TANC2: variants seen among roughly 807,000 people sequenced by gnomAD.
The protein encoded by TANC2 is tetratricopeptide repeat, ankyrin repeat and coiled-coil containing 2.
Under a neutral mutation model 210.5 loss-of-function variants are expected in TANC2, and 26 were observed. The observed-to-expected ratio is 0.12, with a 90% CI of 0.09 to 0.17. The LOEUF is 0.17. Among genes scored for constraint, TANC2 ranks in the 10% least tolerant of loss-of-function variants. The pLI, the probability that TANC2 is intolerant of heterozygous loss-of-function variation, is 1.00. For missense variants in TANC2, 2,129 were observed against 2,608.9 expected (o/e 0.82, Z 4.01); for synonymous variants, 931 against 967.1 (o/e 0.96, Z 0.69).
chr17:63,165,811 T>C (rs957843761), intron 5 of TANC2, among the ~76,000 whole-genome samples: 1 of 152,218 alleles, frequency 6.6e-6, no homozygotes, highest in African/African-American at 2.4e-5. Flanking sequence ...GGGAATAATA[T>C]GGAAATATAA....
Position 62,966,350 on chromosome 17 carries a change from G to T in TANC2, c.-423G>T, listed in dbSNP as rs1397462663. Among the ~76,000 whole-genome samples, 1 of 146,954 alleles carries T rather than the reference G, an allele frequency of 6.8e-6. No individual in the cohort carries two copies. The highest frequency in any genetic ancestry group is 1.5e-5 in the Non-Finnish European group (1 of 66,028). ...CCGCCCGGCGGGGGAAGCTGCGAGC[G>T]CTCCGAGCGCCCGGCCTAGGGCCGC... On this transcript the variant is annotated 5_prime_UTR_variant, in exon 1 of 28. Transcript: ENST00000689528. The surrounding 1 kb of genome is among the most constrained non-coding windows in gnomAD (Gnocchi z 5.1).
intron 7 of TANC2, among the ~76,000 whole-genome samples, chr17:63,216,113 A>C (rs1276684289): frequency 1.3e-5 from 2 of 151,414 alleles, no homozygotes; most frequent in Non-Finnish European, 2.9e-5. Flanking sequence ...CAATGGTGCG[A>C]TCTCGGCTCA....
At position 63,321,607 on chromosome 17, in the gene TANC2, G is replaced by A. The variant is rs78723655; in HGVS notation, c.1575+2517G>A. On this transcript the variant is annotated intron_variant, in intron 11 of 27. Transcript: ENST00000689528. ...AAATTCTCTAGCAAAGAATCCTCCA[G>A]TCTTCTGACTGGAGAGTATATGTCT... Among the ~76,000 whole-genome samples, 1,269 of 152,258 alleles carry A rather than the reference G, an allele frequency of 8.3e-3. 15 individuals carry two copies. The highest frequency in any genetic ancestry group is 0.028 in the African/African-American group (1,160 of 41,540).
chr17:63,109,142 A>G (rs1309714903), intron 4 of TANC2, among the ~76,000 whole-genome samples: 2 of 151,708 alleles, frequency 1.3e-5, no homozygotes, highest in African/African-American at 4.9e-5. Flanking sequence ...AGAAAACAAG[A>G]AGTACTGAAA....
chr17:63,191,789 CTA>C (rs2041194789), intron 5 of TANC2, among the ~76,000 whole-genome samples: 2 of 152,082 alleles, frequency 1.3e-5, no homozygotes, highest in South Asian at 2.1e-4. Flanking sequence ...TCAGAAGTAA[CTA>C]TTTTTAATTT....
chr17:63,419,883 CA>C lies in TANC2; in HGVS notation c.4269-115del. ...TAAATCCAACTAAACCGAAATACCC[CA>C]GACTCCCACAGACGCCACCACAGCT... On this transcript the variant is annotated intron_variant, in intron 27 of 27. Transcript: ENST00000689528. 4.1e-6 allele frequency: 5 copies of C among 1,232,840 alleles called. No homozygotes were observed. The South Asian group carries it at 8.0e-5, about 20-fold the overall frequency. 76.4% of individuals were successfully genotyped at this position (1,232,840 alleles called of 1,614,324 possible).
chr17:63,277,411 A>T (rs75514394), intron 9 of TANC2, among the ~76,000 whole-genome samples: 1 of 151,588 alleles, frequency 6.6e-6, no homozygotes, highest in Non-Finnish European at 1.5e-5. Context: ...AAGACCCATC[A>T]GTTATCTTTT....
At chr17:63,395,530 G>A (rs995049454) in intron 17 of TANC2, among the ~76,000 whole-genome samples, 1 of 152,156 alleles carries the variant, frequency 6.6e-6, no homozygotes, top group African/African-American at 2.4e-5. Flanking sequence ...CTTTTCTGAG[G>A]AAAAGAAGTT....
intron 13 of TANC2, among the ~76,000 whole-genome samples, chr17:63,353,258 G>A (rs2046674009): frequency 6.6e-6 from 1 of 152,144 alleles, no homozygotes; most frequent in Admixed American, 6.6e-5. Context: ...AGGACTTGAT[G>A]ATGGGCTGAA....
chr17:62,999,984 A>G (rs1182469337), intron 1 of TANC2, among the ~76,000 whole-genome samples: 1 of 152,254 alleles, frequency 6.6e-6, no homozygotes, highest in Non-Finnish European at 1.5e-5. Flanking sequence ...TAATGCAGGA[A>G]CAGAAAACAA....
chr17:63,010,302 T>C (rs2033807718), intron 2 of TANC2, among the ~76,000 whole-genome samples: 1 of 152,162 alleles, frequency 6.6e-6, no homozygotes, highest in Non-Finnish European at 1.5e-5. Context: ...TGTGATTTCT[T>C]CTTGACCCAT....
At chr17:63,003,714 T>C (rs2033486728) in intron 1 of TANC2, among the ~76,000 whole-genome samples, 1 of 152,208 alleles carries the variant, frequency 6.6e-6, no homozygotes, top group Non-Finnish European at 1.5e-5. Context: ...GTGTTATATA[T>C]GTTTTGTGAA....
chr17:63,205,008 C>G (rs2041653894), intron 7 of TANC2, among the ~76,000 whole-genome samples: 1 of 152,052 alleles, frequency 6.6e-6, no homozygotes, highest in African/African-American at 2.4e-5. Context: ...TCACTTGAAC[C>G]TGGGAGGCAG....
chr17:63,176,149 A>G (rs1006688367), intron 5 of TANC2, among the ~76,000 whole-genome samples: 1 of 152,252 alleles, frequency 6.6e-6, no homozygotes, highest in African/African-American at 2.4e-5. Flanking sequence ...TTTCTTATGA[A>G]GCTAAAATTA....
chr17:63,384,814 A>G (rs1374122618), intron 15 of TANC2, among the ~76,000 whole-genome samples: 3 of 152,210 alleles, frequency 2.0e-5, no homozygotes, highest in Non-Finnish European at 1.5e-5. Flanking sequence ...GAAGAGGGCC[A>G]AGGATGGAAA....
At chr17:63,244,417 TA>T (rs1429537799) in intron 8 of TANC2, among the ~76,000 whole-genome samples, 3 of 152,224 alleles carry the variant, frequency 2.0e-5, no homozygotes, top group African/African-American at 7.2e-5. Context: ...CATTTTGTTT[TA>T]AATTTTCATT....
intron 20 of TANC2, 58 bp from the exon 21 acceptor site, chr17:63,406,096 G>A (rs1396199928): frequency 6.8e-5 from 109 of 1,603,266 alleles, no homozygotes; most frequent in Middle Eastern, 5.0e-4. Context: ...TAGTGTGCAC[G>A]TGTCTTCTCA....
intron 4 of TANC2, among the ~76,000 whole-genome samples, chr17:63,104,358 A>G (rs1428100228): frequency 1.3e-5 from 2 of 152,102 alleles, no homozygotes; most frequent in African/African-American, 2.4e-5. Flanking sequence ...TACGGAATTT[A>G]TATTATTTAC....
At chr17:63,024,186 G>A (rs1039327144) in intron 2 of TANC2, among the ~76,000 whole-genome samples, 3 of 152,066 alleles carry the variant, frequency 2.0e-5, no homozygotes, top group Non-Finnish European at 1.5e-5. Flanking sequence ...GAAATAATTC[G>A]GGGCTAGTCC....
Sources: gnomAD v4.1 joint callset for allele counts (sites outside exome capture counted in the v4.1 genomes callset) on GRCh38, gnomAD v4.1.1 for gene constraint, Gnocchi (gnomAD v3.1) non-coding constraint, MANE v1.5 for transcripts, NCBI Gene and HGNC (gene_info 2026-07-23, HGNC 2026-07-21) for gene names.